Variants in TBC1D15 observed in about 807,000 individuals in gnomAD.
TBC1D15 encodes the protein TBC1 domain family member 15.
Under a neutral mutation model 95.4 loss-of-function variants are expected in TBC1D15, and 39 were observed. The observed-to-expected ratio is 0.41, with a 90% CI of 0.32 to 0.53. The LOEUF (loss-of-function observed/expected upper bound fraction) is 0.53, where lower values mean the gene tolerates loss of function less well. TBC1D15 is among the 20% of genes least tolerant of loss of function. The pLI is 0.29. For synonymous variants in TBC1D15, 258 were observed against 261.3 expected (o/e 0.99, Z 0.12); for missense variants, 733 against 794.3 (o/e 0.92, Z 0.93).
intron 1 of TBC1D15, among the ~76,000 whole-genome samples, chr12:71,856,585 TC>T (rs933256224): frequency 1.3e-5 from 2 of 152,182 alleles, no homozygotes; most frequent in Non-Finnish European, 2.9e-5. Flanking sequence ...TTCTTTTTTT[TC>T]CTGACTTATT....
intron 1 of TBC1D15, among the ~76,000 whole-genome samples, chr12:71,868,540 C>T (rs1891988090): frequency 6.6e-6 from 1 of 152,132 alleles, no homozygotes; most frequent in Admixed American, 6.5e-5. Context: ...GCCACTGTGC[C>T]CGGCCAGCTT....
intron 10 of TBC1D15, among the ~76,000 whole-genome samples, chr12:71,898,425 A>C (rs1430778678): frequency 6.6e-6 from 1 of 152,102 alleles, no homozygotes; most frequent in Non-Finnish European, 1.5e-5. Flanking sequence ...AAATTAAATA[A>C]ATGACTCCAG....
intron 12 of TBC1D15, 64 bp downstream of exon 12, chr12:71,913,990 A>G (rs1173719359): frequency 3.3e-6 from 4 of 1,225,290 alleles, no homozygotes; most frequent in Non-Finnish European, 4.5e-6. Context: ...ATTTTATAGT[A>G]TAAGGTTGAT....
chr12:71,857,826 A>T (rs1209087144), intron 1 of TBC1D15, among the ~76,000 whole-genome samples: 2 of 152,224 alleles, frequency 1.3e-5, no homozygotes, highest in Admixed American at 1.3e-4. Flanking sequence ...TTCATTAACC[A>T]ACCTTTGTCT....
At chr12:71,910,672 T>C (rs550526351) in intron 11 of TBC1D15, among the ~76,000 whole-genome samples, 2 of 152,196 alleles carry the variant, frequency 1.3e-5, no homozygotes, top group Non-Finnish European at 2.9e-5. Context: ...TTGTCTGTTA[T>C]TGGTGTATAA....
intron 1 of TBC1D15, among the ~76,000 whole-genome samples, chr12:71,858,830 T>A (rs1200406698): frequency 2.6e-5 from 4 of 152,108 alleles, no homozygotes; most frequent in African/African-American, 4.8e-5. Context: ...GTGTTGGGAT[T>A]ACAGGCTTGA....
chr12:71,886,838 G>A (rs778930380), intron 5 of TBC1D15, among the ~76,000 whole-genome samples: 5 of 152,126 alleles, frequency 3.3e-5, no homozygotes, highest in Non-Finnish European at 7.4e-5. Context: ...TTAATAGCAG[G>A]CATTAAAGAG....
intron 3 of TBC1D15, among the ~76,000 whole-genome samples, chr12:71,875,861 G>C (rs1893697600): frequency 6.6e-6 from 1 of 151,974 alleles, no homozygotes; most frequent in Non-Finnish European, 1.5e-5. Flanking sequence ...ACCGTGGCAT[G>C]ATCTCGGCTC....
rs777589654 is a variant in TBC1D15 at position 71,883,215 on chromosome 12, C to T, written c.344-1596C>T. Among the ~76,000 whole-genome samples, 99 of 151,004 alleles carry T rather than the reference C, an allele frequency of 6.6e-4. 1 individual carries two copies. The highest frequency in any genetic ancestry group is 1.7e-3 in the Admixed American group (26 of 15,164). On this transcript the variant is annotated intron_variant, in intron 4 of 16. Coordinates refer to ENST00000485960, the MANE Select transcript of TBC1D15 (RefSeq NM_001146213.3). ...GCAGTATGTATCTGTTCTAGGTAGT[C>T]TAAGTACATTCATACTTAAATGATT... is the stretch of plus-strand genomic sequence containing the variant.
chr12:71,869,751 C>T (rs12309743), intron 1 of TBC1D15, among the ~76,000 whole-genome samples: 59,955 of 151,866 alleles, frequency 0.39, 14,012 homozygotes, highest in African/African-American at 0.64. Context: ...TTTTTCATAT[C>T]TTTTTTTGTG....
chr12:71,891,281 C>G (rs1897161499), intron 5 of TBC1D15, among the ~76,000 whole-genome samples: 1 of 152,128 alleles, frequency 6.6e-6, no homozygotes, highest in Admixed American at 6.5e-5. Context: ...GGATATACTT[C>G]AGAATTTTCA....
At chr12:71,896,298 T>C (rs1051703072) in intron 8 of TBC1D15, 14 of 445,908 alleles carry the variant, frequency 3.1e-5, no homozygotes, top group African/African-American at 2.6e-4. Flanking sequence ...TTCCTGGGGG[T>C]TGGGTAGACC....
intron 5 of TBC1D15, among the ~76,000 whole-genome samples, chr12:71,892,479 A>G (rs895594576): frequency 3.9e-5 from 6 of 152,016 alleles, no homozygotes; most frequent in Non-Finnish European, 7.4e-5. Flanking sequence ...AACTCACTAA[A>G]TAGAAAAAAG....
chr12:71,865,999 A>T (rs1229863646), intron 1 of TBC1D15, among the ~76,000 whole-genome samples: 2 of 151,998 alleles, frequency 1.3e-5, no homozygotes, highest in African/African-American at 4.8e-5. Context: ...GACTGCTCTG[A>T]GTGGCCAAAG....
At position 71,894,756 on chromosome 12, in the gene TBC1D15, G is replaced by A. The variant is rs773417093; in HGVS notation, c.728G>A (p.Ser243Asn). ...FSKVTNYIFD[S>N]LRGSDPSTHQ... The stretch of plus-strand genomic sequence containing the variant: ...AAAGTCACAAACTACATTTTTGACA[G>A]TTTGAGAGGCAGCGATCCCTCTACA... Residue 243 changes from serine (S) to asparagine (N), a missense_variant, in exon 7 of 17, where the codon AGT becomes AAT. Ser to Asn is a conservative substitution (Grantham distance 46, BLOSUM62 1). Coordinates refer to ENST00000485960, the MANE Select transcript of TBC1D15 (RefSeq NM_001146213.3). The A allele has an allele frequency of 6.2e-7, 1 of 1,613,286 alleles. No individual in the cohort carries two copies. The highest frequency in any genetic ancestry group is 8.5e-7 in the Non-Finnish European group (1 of 1,179,408).
chr12:71,862,294 T>G, intron 1 of TBC1D15, among the ~76,000 whole-genome samples: 1 of 152,198 alleles, frequency 6.6e-6, no homozygotes, highest in East Asian at 1.9e-4. Flanking sequence ...TCCCCAACTG[T>G]TACTGTATTG....
chr12:71,841,667 C>T (rs915311124), intron 1 of TBC1D15, among the ~76,000 whole-genome samples: 1 of 152,182 alleles, frequency 6.6e-6, no homozygotes, highest in African/African-American at 2.4e-5. Flanking sequence ...TTACTATCAG[C>T]GCATAGTTCA....
intron 9 of TBC1D15, 105 bp from the exon 10 acceptor site, chr12:71,897,742 G>C: frequency 1.4e-6 from 1 of 724,254 alleles, no homozygotes; most frequent in South Asian, 1.8e-5. Context: ...CATTCCACTA[G>C]CATCATAAAT....
At chr12:71,875,076 C>T (rs549100081) in intron 3 of TBC1D15, among the ~76,000 whole-genome samples, 5 of 151,718 alleles carry the variant, frequency 3.3e-5, no homozygotes, top group South Asian at 4.2e-4. Flanking sequence ...ATAGCTGGAA[C>T]TACAGGCGCA....
Sources: allele counts gnomAD v4.1 joint callset (sites outside exome capture counted in the v4.1 genomes callset), GRCh38; gene constraint gnomAD v4.1.1; transcripts MANE v1.5; gene names NCBI Gene and HGNC (gene_info 2026-07-23, HGNC 2026-07-21).